RHBDL2: variants seen among roughly 807,000 people sequenced by gnomAD.
The protein encoded by RHBDL2 is rhomboid like 2, also known as rhomboid-related protein 2.
A neutral mutation model predicts 31.7 loss-of-function variants in RHBDL2; 26 were observed. The observed-to-expected ratio is 0.82, with a 90% CI of 0.60 to 1.14. The LOEUF (loss-of-function observed/expected upper bound fraction) is 1.14, where lower values mean the gene tolerates loss of function less well. Among genes scored for constraint, RHBDL2 ranks in the 50% most tolerant of loss-of-function variants. The probability of loss-of-function intolerance (pLI) is 0.00; values close to 1 mark genes in which losing one functional copy is unlikely to be tolerated. For synonymous variants in RHBDL2, 123 were observed against 127.2 expected, an observed-to-expected ratio of 0.97 and a Z score of 0.22; for missense variants, 336 against 364.4, an observed-to-expected ratio of 0.92 and a Z score of 0.63.
intron 1 of RHBDL2, among the ~76,000 whole-genome samples, chr1:38,922,291 A>G (rs982504856): frequency 2.1e-5 from 3 of 142,512 alleles, no homozygotes; most frequent in Non-Finnish European, 4.5e-5. Context: ...TTTTTGAGAC[A>G]AGATCTCTCC....
intron 1 of RHBDL2, among the ~76,000 whole-genome samples, chr1:38,923,017 G>T (rs1643333625): frequency 6.6e-6 from 1 of 152,020 alleles, no homozygotes; most frequent in African/African-American, 2.4e-5. Flanking sequence ...TTGAAACCAG[G>T]AGGCAGAGGT....
chr1:38,900,743 A>G (rs1444620854), intron 4 of RHBDL2, among the ~76,000 whole-genome samples: 1 of 151,910 alleles, frequency 6.6e-6, no homozygotes, highest in Non-Finnish European at 1.5e-5. Context: ...ATAAGTAAAT[A>G]AAAATAAAAA....
chr1:38,897,587 C>T lies in RHBDL2; in HGVS notation c.509-1518G>A, dbSNP rs1011581691. Among the ~76,000 whole-genome samples, 9 of 152,084 alleles carry T rather than the reference C, an allele frequency of 5.9e-5. No individual in the cohort carries two copies. The South Asian group carries it at 1.9e-3, about 32-fold the overall frequency. ...AATATTAGCCAAGCATGGTGGTACCCGCCTGTGGTCCTTGCTACTCAAGAG... is the reference window on the plus strand; with the variant it reads ...AATATTAGCCAAGCATGGTGGTACCTGCCTGTGGTCCTTGCTACTCAAGAG... On this transcript the variant is annotated intron_variant, in intron 4 of 7. Transcript: ENST00000372990.
chr1:38,910,360 C>T (rs150057087), intron 4 of RHBDL2, among the ~76,000 whole-genome samples: 41 of 152,240 alleles, frequency 2.7e-4, no homozygotes, highest in African/African-American at 8.9e-4. Context: ...TTAAAGGGTA[C>T]ATAAGACCTC....
In RHBDL2 at chr1:38,916,776, C is replaced by A. The variant is rs192935283; in HGVS notation, c.247-1066G>T. On this transcript the variant is annotated intron_variant, in intron 2 of 7. Transcript: ENST00000372990. ...ATCCCAGCTACTTGGGAGGCTGAGT[C>A]AGGAGAATCACTTGACCCTGGACAG... Among the ~76,000 whole-genome samples, 921 of 148,490 alleles carry A rather than the reference C, an allele frequency of 6.2e-3. 3 individuals are homozygous for A. Among genetic ancestry groups the A allele is most frequent in the Non-Finnish European group, 9.4e-3 (632 of 67,508 alleles).
chr1:38,935,844 G>C (rs1009618495), intron 1 of RHBDL2, among the ~76,000 whole-genome samples: 1 of 151,968 alleles, frequency 6.6e-6, no homozygotes, highest in African/African-American at 2.4e-5. Flanking sequence ...GAACTCCTGA[G>C]CTCAAGCGAT....
chr1:38,910,916 T>TTGTAGGGGTGAGCA, intron 4 of RHBDL2, among the ~76,000 whole-genome samples: 1 of 150,560 alleles, frequency 6.6e-6, no homozygotes, highest in South Asian at 2.1e-4. Flanking sequence ...GTAGCTGGGA[T>TTGTAGGGGTGAGCA]TATAGGGGTG....
intron 1 of RHBDL2, among the ~76,000 whole-genome samples, chr1:38,941,105 G>A (rs1260957885): frequency 6.6e-6 from 1 of 152,164 alleles, no homozygotes; most frequent in Non-Finnish European, 1.5e-5. Context: ...TCCCTCCAGA[G>A]AATCCAGGTA....
At chr1:38,903,680 C>T (rs1643024412) in intron 4 of RHBDL2, among the ~76,000 whole-genome samples, 3 of 152,018 alleles carry the variant, frequency 2.0e-5, no homozygotes, top group Admixed American at 2.0e-4. Context: ...CAATGCAATC[C>T]AAATCCCAGC....
intron 5 of RHBDL2, among the ~76,000 whole-genome samples, chr1:38,894,707 CTTT>C (rs71057159): frequency 3.5e-5 from 4 of 114,184 alleles, no homozygotes; most frequent in African/African-American, 3.6e-5. Context: ...CTTTTTTTTT[CTTT>C]TTTTTTTTTT....
chr1:38,917,645 G>A (rs1009000068), intron 2 of RHBDL2, among the ~76,000 whole-genome samples: 3 of 152,136 alleles, frequency 2.0e-5, no homozygotes, highest in South Asian at 2.1e-4. Flanking sequence ...AGATCCGGAC[G>A]ACTTCCCAGT....
chr1:38,920,539 G>C (rs916674114), intron 1 of RHBDL2, among the ~76,000 whole-genome samples: 1 of 150,778 alleles, frequency 6.6e-6, no homozygotes, highest in African/African-American at 2.4e-5. Context: ...TTATCCACTC[G>C]TCTGTTTATG....
chr1:38,918,811 G>A (rs1643271487), intron 2 of RHBDL2, among the ~76,000 whole-genome samples, 156 bp downstream of exon 2: 1 of 152,100 alleles, frequency 6.6e-6, no homozygotes, highest in South Asian at 2.1e-4. Flanking sequence ...GCAGCTGTGG[G>A]GAGAGCAGAG....
intron 4 of RHBDL2, among the ~76,000 whole-genome samples, chr1:38,910,738 T>C (rs1383845742): frequency 6.6e-6 from 1 of 151,106 alleles, no homozygotes; most frequent in Non-Finnish European, 1.5e-5. Context: ...ACTTGCAGTT[T>C]TCTTTATTCC....
chr1:38,918,922 T>C, intron 2 of RHBDL2, 45 bp downstream of exon 2: 1 of 1,586,514 alleles, frequency 6.3e-7, no homozygotes, highest in Non-Finnish European at 8.6e-7. Context: ...TGTTCCCAGC[T>C]TCCCCATGCC....
At chr1:38,913,354 T>C (rs984969179) in intron 3 of RHBDL2, among the ~76,000 whole-genome samples, 1 of 152,056 alleles carries the variant, frequency 6.6e-6, no homozygotes, top group African/African-American at 2.4e-5. Flanking sequence ...CTTAAAGTCC[T>C]TGTGTGCGGG....
chr1:38,911,538 C>CT, intron 3 of RHBDL2, 104 bp from the exon 4 acceptor site: 1 of 734,876 alleles, frequency 1.4e-6, no homozygotes, highest in Non-Finnish European at 2.3e-6. Context: ...TAAGGATTTG[C>CT]TTAACTAGAA....
At chr1:38,908,405 G>A (rs1255952946) in intron 4 of RHBDL2, among the ~76,000 whole-genome samples, 2 of 151,302 alleles carry the variant, frequency 1.3e-5, no homozygotes, top group African/African-American at 2.4e-5. Context: ...CCAGCTACTC[G>A]GGAGGCTGAG....
At chr1:38,901,544 A>C (rs1407132390) in intron 4 of RHBDL2, among the ~76,000 whole-genome samples, 1 of 151,434 alleles carries the variant, frequency 6.6e-6, no homozygotes, top group African/African-American at 2.4e-5. Flanking sequence ...TTTAAAAATA[A>C]ATAAATAAAT....
Sources: allele counts gnomAD v4.1 joint callset (sites outside exome capture counted in the v4.1 genomes callset), GRCh38; gene constraint gnomAD v4.1.1; transcripts MANE v1.5; gene names NCBI Gene and HGNC (gene_info 2026-07-23, HGNC 2026-07-21).